The following HNRNPAB variants were observed in gnomAD, a reference collection of about 807,000 sequenced individuals.
HNRNPAB encodes heterogeneous nuclear ribonucleoprotein A/B.
A neutral mutation model predicts 44.1 loss-of-function variants in HNRNPAB; 17 were observed. That is an observed-to-expected ratio of 0.39 (90% CI 0.26 to 0.58). The LOEUF is 0.58. HNRNPAB is among the 20% of genes least tolerant of loss of function. The pLI is 0.63. For missense variants in HNRNPAB, 393 were observed against 432.7 expected (o/e 0.91, Z 0.81); for synonymous variants, 183 against 167.6 (o/e 1.09, Z -0.71).
intron 5 of HNRNPAB, 96 bp downstream of exon 5, chr5:178,207,321 C>A: frequency 6.9e-7 from 1 of 1,452,244 alleles, no homozygotes. Context: ...AGGAGCTCTC[C>A]AGGTTGGTCA....
In HNRNPAB at chr5:178,207,187, G is replaced by T; in HGVS notation, c.631G>T (p.Val211Phe). The T allele has an allele frequency of 6.2e-7, 1 of 1,614,218 alleles. No individual in the cohort carries two copies. Among genetic ancestry groups the T allele is most frequent in the Non-Finnish European group, 8.5e-7 (1 of 1,180,044 alleles). Residue 211 changes from valine to phenylalanine, a missense_variant, in exon 5 of 8, where the codon GTT (valine) becomes TTT (phenylalanine). By Grantham distance (50) the Val-to-Phe change is conservative. Coordinates refer to ENST00000358344, the MANE Select transcript of HNRNPAB (RefSeq NM_031266.3). ...TAAAGAAGAAGAACCCGTGAAGAAG[G>T]TTCTGGAGAAAAAGTTCCATACTGT... ...TFKEEEPVKK[V>F]LEKKFHTVSG...
rs1392237308 is a variant in HNRNPAB at position 178,204,954 on chromosome 5, G to C, written c.117G>C (p.Gly39=). 3 of 1,210,212 alleles carry C rather than the reference G, an allele frequency of 2.5e-6. No individual in the cohort carries two copies. The East Asian group carries it at 1.0e-4, about 40-fold the overall frequency. The allele number at this position is 1,210,212 out of a possible 1,614,324, so 75.0% of individuals were successfully genotyped here. The change falls in exon 2 of 8, where the codon GGG becomes GGC. Residue 39 remains glycine, a synonymous_variant. Transcript: ENST00000358344. Reference sequence around the variant, plus strand: ...GGGCTGGCACGGGCGCCGCGGCGGGGGCTGGAGGCGCGACCGCGGCGCCCC... The same window carrying C: ...GGGCTGGCACGGGCGCCGCGGCGGGCGCTGGAGGCGCGACCGCGGCGCCCC... ...PAGAGTGAAA[G]AGGATAAPPS... is the part of the protein sequence containing the mutation.
chr5:178,206,925 C>T (rs376095408), intron 4 of HNRNPAB, 35 bp downstream of exon 4: 62 of 1,609,600 alleles, frequency 3.9e-5, no homozygotes, highest in Non-Finnish European at 5.0e-5. Flanking sequence ...CATCAGCTGC[C>T]CCTAAGGCTG....
Position 178,206,869 on chromosome 5 carries a change from G to A in HNRNPAB, c.516G>A (p.Glu172=). 1 of 1,614,212 alleles carries A rather than the reference G, an allele frequency of 6.2e-7. No individual in the cohort carries two copies. Among genetic ancestry groups the A allele is most frequent in the African/African-American group, 1.3e-5 (1 of 75,064 alleles). The change falls in exon 4 of 8, where the codon GAG becomes GAA. Residue 172 remains glutamate (E), a synonymous_variant. Coordinates refer to ENST00000358344, the MANE Select transcript of HNRNPAB (RefSeq NM_031266.3). ...AAGCCACTGAGGAAAAGATCAGGGA[G>A]TACTTTGGCGAGTTTGGGGAGGTGA... The part of the protein sequence containing the change: ...NPEATEEKIR[E]YFGEFGEIEA...
chr5:178,207,451 G>A (rs1222539355), intron 5 of HNRNPAB, among the ~76,000 whole-genome samples: 2 of 152,234 alleles, frequency 1.3e-5, no homozygotes, highest in African/African-American at 4.8e-5. Context: ...GGAGGTAGGA[G>A]AAGGTGGCCT....
At chr5:178,209,212 T>C in intron 5 of HNRNPAB, 118 bp from the exon 6 acceptor site, 2 of 848,574 alleles carry the variant, frequency 2.4e-6, no homozygotes, top group South Asian at 3.0e-5. Flanking sequence ...CTAGCATATT[T>C]TGTTTCTCAG....
chr5:178,206,932 G>T, intron 4 of HNRNPAB, 42 bp downstream of exon 4: 1 of 1,608,598 alleles, frequency 6.2e-7, no homozygotes, highest in Non-Finnish European at 8.5e-7. Context: ...TGCCCCTAAG[G>T]CTGCCTTCTT....
intron 7 of HNRNPAB, 32 bp downstream of exon 7, chr5:178,210,304 C>T: frequency 1.2e-6 from 2 of 1,613,564 alleles, no homozygotes; most frequent in South Asian, 1.1e-5. Flanking sequence ...CCCATCCGCT[C>T]ACCCCTCGTC....
chr5:178,205,043 C>T lies in HNRNPAB; in HGVS notation c.206C>T (p.Ala69Val), dbSNP rs1756984867. 1 of 1,204,690 alleles carries T rather than the reference C, an allele frequency of 8.3e-7. No homozygotes were observed. The highest frequency in any genetic ancestry group is 1.0e-6 in the Non-Finnish European group (1 of 970,566). The allele number at this position is 1,204,690 out of a possible 1,614,324, so 74.6% of individuals were successfully genotyped here. Residue 69 changes from alanine (A) to valine (V), a missense_variant, in exon 2 of 8, where the codon GCG becomes GTG. Around this residue, in one of 3 missense-constraint regions of HNRNPAB, gnomAD observed 102 missense variants for 162.3 expected, o/e 0.63. Coordinates refer to ENST00000358344, the MANE Select transcript of HNRNPAB (RefSeq NM_031266.3). ...AACGCCAGCAAGAACGAGGAGGACG[C>T]GGGGTAGGTGCGGCCGCGGGCGGAC... ...QINASKNEED[A>V]GKMFVGGLSW...
chr5:178,211,079 A>G lies in HNRNPAB; in HGVS notation c.*456A>G, dbSNP rs187429047. On this transcript the variant is annotated 3_prime_UTR_variant, in exon 8 of 8. Coordinates refer to ENST00000358344, the MANE Select transcript of HNRNPAB (RefSeq NM_031266.3). ...CCTTTTGGGAATCTAATGTATTGTA[A>G]GGTATTTTACACGTGTCCTGATTTT... is the stretch of plus-strand genomic sequence containing the variant. The G allele has an allele frequency of 1.7e-4, 30 of 177,674 alleles. No individual in the cohort carries two copies. Among genetic ancestry groups the G allele is most frequent in the Admixed American group, 6.3e-4 (11 of 17,382 alleles). The allele number at this position is 177,674 out of a possible 1,614,324, so 11.0% of individuals were successfully genotyped here. A position where few individuals can be genotyped will look rare whatever the true frequency, so the allele number is the denominator to read the frequency against.
In HNRNPAB at chr5:178,210,709, C is replaced by T. The variant is rs1554104241; in HGVS notation, c.*86C>T. The T allele has an allele frequency of 4.7e-6, 5 of 1,060,132 alleles. No homozygotes were observed. Among genetic ancestry groups the T allele is most frequent in the South Asian group, 2.6e-5 (2 of 78,252 alleles). The allele number at this position is 1,060,132 out of a possible 1,614,324, so 65.7% of individuals were successfully genotyped here. A position where few individuals can be genotyped will look rare whatever the true frequency, so the allele number is the denominator to read the frequency against. ...CAATTATGTACCAAATTTAACTTGG[C>T]AAACTTTCTATTGCCTGTCCCATGT... On this transcript the variant is annotated 3_prime_UTR_variant, in exon 8 of 8. Transcript: ENST00000358344.
In HNRNPAB at chr5:178,209,577, G is replaced by A. The variant is rs571996640; in HGVS notation, c.787+130G>A. On this transcript the variant is annotated intron_variant, in intron 6 of 7. Transcript: ENST00000358344. ...ATTGTGTGAGGTTGGGGACGAACAG[G>A]AATAGGAACGGCTCTGGGTCAGGGC... 4.6e-5 allele frequency: 33 copies of A among 724,142 alleles called. No individual in the cohort carries two copies. The African/African-American group carries it at 5.8e-4, about 13-fold the overall frequency. 44.9% of individuals were successfully genotyped at this position (724,142 alleles called of 1,614,324 possible). A position where few individuals can be genotyped will look rare whatever the true frequency, so the allele number is the denominator to read the frequency against.
chr5:178,205,069 G>T (rs1479903998), intron 2 of HNRNPAB, 23 bp downstream of exon 2: 2 of 1,196,866 alleles, frequency 1.7e-6, no homozygotes, highest in Non-Finnish European at 1.0e-6. Flanking sequence ...GCGGGCGGAC[G>T]GGGGCGCCGC....
At position 178,210,152 on chromosome 5, in the gene HNRNPAB, CA is replaced by C; in HGVS notation, c.809del (p.Gln270ArgfsTer72). ...CACAGGTCAGAGTCAGAGTTGGAATCAGGGCTACGGCAACTACTGGAACCAG... is the reference window on the plus strand; with the variant it reads ...CACAGGTCAGAGTCAGAGTTGGAATCGGGCTACGGCAACTACTGGAACCAG... Reference protein sequence around the residue: ...GGGGQSQSWNQGYGNYWNQGY... With the variant: ...GGGGQSQSWNXGYGNYWNQGY... On this transcript the variant is annotated frameshift_variant, in exon 7 of 8. Coordinates refer to ENST00000358344, the MANE Select transcript of HNRNPAB (RefSeq NM_031266.3). LOFTEE classifies it high-confidence loss of function. 6.2e-7 allele frequency: 1 copy of C among 1,614,060 alleles called. No homozygotes were observed. The highest frequency in any genetic ancestry group is 8.5e-7 in the Non-Finnish European group (1 of 1,179,902).
chr5:178,210,512 T>C (rs1561673002), intron 7 of HNRNPAB, 41 bp from the exon 8 acceptor site: 9 of 1,594,482 alleles, frequency 5.6e-6, no homozygotes, highest in Non-Finnish European at 7.7e-6. Context: ...ACAGGGCAAA[T>C]GCTTGTAAAT....
intron 2 of HNRNPAB, 146 bp downstream of exon 2, chr5:178,205,192 C>T (rs1198333721): frequency 9.0e-5 from 44 of 489,382 alleles, no homozygotes; most frequent in Non-Finnish European, 1.1e-4. Context: ...GTTCGCGGGC[C>T]GGGCCTGGCG....
intron 3 of HNRNPAB, 36 bp downstream of exon 3, chr5:178,206,046 A>C (rs758804732): frequency 6.4e-7 from 1 of 1,573,838 alleles, no homozygotes; most frequent in South Asian, 1.1e-5. Context: ...GTCTCAGTGG[A>C]AACGATTTGA....
Position 178,206,893 on chromosome 5 carries a change from G to A in HNRNPAB, c.537+3G>A. On this transcript the variant is annotated splice_donor_region_variant and intron_variant, in intron 4 of 7. Transcript: ENST00000358344. Reference sequence around the variant, plus strand: ...AGTACTTTGGCGAGTTTGGGGAGGTGAGTGTGGCTCTGGGAATAGCCCATC... The same window carrying A: ...AGTACTTTGGCGAGTTTGGGGAGGTAAGTGTGGCTCTGGGAATAGCCCATC... The A allele has an allele frequency of 6.2e-7, 1 of 1,614,102 alleles. No homozygotes were observed. The highest frequency in any genetic ancestry group is 8.5e-7 in the Non-Finnish European group (1 of 1,179,988).
intron 4 of HNRNPAB, 83 bp from the exon 5 acceptor site, chr5:178,207,011 A>AAT: frequency 2.5e-6 from 4 of 1,590,234 alleles, no homozygotes; most frequent in Non-Finnish European, 2.6e-6. Flanking sequence ...CTCTGTCTTC[A>AAT]ATGGGGTCTT....
Sources: gnomAD v4.1 joint callset for allele counts (sites outside exome capture counted in the v4.1 genomes callset) on GRCh38, gnomAD v4.1.1 for gene constraint, gnomAD v4.1.1 regional missense constraint, MANE v1.5 for transcripts, NCBI Gene and HGNC (gene_info 2026-07-23, HGNC 2026-07-21) for gene names.